SLC8A1: variants seen among roughly 807,000 people sequenced by gnomAD.
SLC8A1 encodes solute carrier family 8 member A1.
SLC8A1 carries 18 observed loss-of-function variants against 68.3 expected under a neutral mutation model. The ratio of observed to expected loss-of-function variants is 0.26; its 90% CI spans 0.18 to 0.39. The LOEUF (loss-of-function observed/expected upper bound fraction) is 0.39. SLC8A1 is among the 10% of genes least tolerant of loss of function. SLC8A1 has a pLI of 1.00. For synonymous variants in SLC8A1, 475 were observed against 415.5 expected (o/e 1.14, Z -1.74); for missense variants, 985 against 1,156.7 (o/e 0.85, Z 2.15).
intron 2 of SLC8A1, among the ~76,000 whole-genome samples, chr2:40,403,890 T>C (rs1689509432): frequency 6.6e-6 from 1 of 152,218 alleles, no homozygotes; most frequent in African/African-American, 2.4e-5. Context: ...ATATGTACCC[T>C]AAAGGAAATA....
intron 2 of SLC8A1, among the ~76,000 whole-genome samples, chr2:40,343,744 T>C (rs1410121892): frequency 6.6e-6 from 1 of 152,104 alleles, no homozygotes; most frequent in Non-Finnish European, 1.5e-5. Flanking sequence ...CTGAGAAAAA[T>C]ATGAATGGGA....
chr2:40,122,524 CT>C (rs1344196637), intron 7 of SLC8A1, among the ~76,000 whole-genome samples: 1 of 152,182 alleles, frequency 6.6e-6, no homozygotes, highest in African/African-American at 2.4e-5. Context: ...GCACCTGCTT[CT>C]AGTCACTTTT....
exon 3 of SLC8A1, chr2:40,177,801 A>G: frequency 6.4e-7 from 1 of 1,551,332 alleles, no homozygotes; most frequent in Non-Finnish European, 8.7e-7. Context: ...CAAGGGAGAA[A>G]CTGCACTCTT....
At chr2:40,176,494 T>C (rs1211558144) in intron 3 of SLC8A1, among the ~76,000 whole-genome samples, 1 of 152,194 alleles carries the variant, frequency 6.6e-6, no homozygotes, top group Non-Finnish European at 1.5e-5. Context: ...TCTCTTTTTC[T>C]TCTGTCTACC....
chr2:40,419,514 C>T (rs1694868031), intron 2 of SLC8A1, among the ~76,000 whole-genome samples: 1 of 151,998 alleles, frequency 6.6e-6, no homozygotes, highest in African/African-American at 2.4e-5. Context: ...CTCCTTCTTA[C>T]TCACCCTGCC....
At chr2:40,373,276 T>C (rs1340662317) in intron 2 of SLC8A1, among the ~76,000 whole-genome samples, 1 of 152,100 alleles carries the variant, frequency 6.6e-6, no homozygotes, top group African/African-American at 2.4e-5. Context: ...TACAAAGCTG[T>C]CTTGAATGAT....
At chr2:40,124,618 C>T (rs560419468) in intron 7 of SLC8A1, among the ~76,000 whole-genome samples, 10 of 152,238 alleles carry the variant, frequency 6.6e-5, no homozygotes, top group Non-Finnish European at 1.5e-4. Flanking sequence ...CTATCAAAAG[C>T]CTGAAAAGTC....
intron 2 of SLC8A1, among the ~76,000 whole-genome samples, chr2:40,289,084 A>G (rs2068828426): frequency 1.3e-5 from 2 of 151,864 alleles, no homozygotes; most frequent in South Asian, 2.1e-4. Flanking sequence ...TAATGCTAAA[A>G]TACGATGACT....
chr2:40,386,406 C>A (rs1413088057), intron 2 of SLC8A1, among the ~76,000 whole-genome samples: 1 of 150,872 alleles, frequency 6.6e-6, no homozygotes, highest in East Asian at 1.9e-4. Flanking sequence ...CCTCTCAGAC[C>A]TTGGGACAAA....
chr2:40,276,373 T>C lies in SLC8A1; in HGVS notation c.1809-98518A>G, dbSNP rs888677216. 3.3e-5 allele frequency among the ~76,000 whole-genome samples: 5 copies of C among 152,190 alleles called. No homozygotes were observed. The East Asian group carries it at 7.7e-4, about 23-fold the overall frequency. ...CTGAGAAAACAAGCAGTGAGATTGT[T>C]AGCATTCATATCTCACAGGCTTAAT... On this transcript the variant is annotated intron_variant, in intron 2 of 7. Coordinates refer to ENST00000406785, the Ensembl canonical transcript of SLC8A1.
At chr2:40,449,896 T>TA (rs35947302) in intron 1 of SLC8A1, among the ~76,000 whole-genome samples, 52 of 152,240 alleles carry the variant, frequency 3.4e-4, no homozygotes, top group Non-Finnish European at 5.0e-4. Context: ...ATCATTTTTT[T>TA]AAAAAAAGAC....
chr2:40,166,061 G>A (rs887096882), intron 4 of SLC8A1, among the ~76,000 whole-genome samples: 11 of 152,150 alleles, frequency 7.2e-5, no homozygotes, highest in African/African-American at 2.7e-4. Flanking sequence ...CTCCAACAGG[G>A]GGCTGTTGAC....
upstream of SLC8A1, among the ~76,000 whole-genome samples, chr2:40,453,734 T>C (rs938494357): frequency 1.3e-5 from 2 of 152,180 alleles, no homozygotes; most frequent in African/African-American, 4.8e-5. Flanking sequence ...AACATGAATG[T>C]GAGTATGAAT....
rs545426253 is a variant in SLC8A1, at chr2:40,387,824, C to T, written c.1808+40649G>A. ...TGGTGGCATGTGCCTGTAATCCCAG[C>T]TACTTTGGAGCCTGAGACATGAGAA... is the stretch of plus-strand genomic sequence containing the variant. On this transcript the variant is annotated intron_variant, in intron 2 of 7. Transcript: ENST00000406785. Among the ~76,000 whole-genome samples the T allele has an allele frequency of 4.8e-4, 73 of 151,014 alleles. No homozygotes were observed. In the Middle Eastern group the frequency reaches 0.021, roughly 43 times the overall value.
At chr2:40,457,259 A>C (rs923285074) in intron 1 of SLC8A1, among the ~76,000 whole-genome samples, 1 of 152,232 alleles carries the variant, frequency 6.6e-6, no homozygotes, top group Non-Finnish European at 1.5e-5. Context: ...ATAGGGGCTC[A>C]AGATAAGCTC....
At chr2:40,417,870 TACAC>T (rs70957174) in intron 2 of SLC8A1, among the ~76,000 whole-genome samples, 4 of 147,154 alleles carry the variant, frequency 2.7e-5, no homozygotes, top group East Asian at 2.0e-4. Context: ...CTTGGATGGA[TACAC>T]ACACACACAC....
chr2:40,333,429 C>A (rs6725386), intron 2 of SLC8A1, among the ~76,000 whole-genome samples: 7,081 of 126,326 alleles, frequency 0.056, 221 homozygotes, highest in African/African-American at 0.099. Flanking sequence ...GAGAGCGAGA[C>A]TCCGTCTCAA....
intron 2 of SLC8A1, among the ~76,000 whole-genome samples, chr2:40,422,047 T>G (rs1695655963): frequency 1.3e-5 from 2 of 151,974 alleles, no homozygotes; most frequent in African/African-American, 4.8e-5. Flanking sequence ...GCTTGAGTCC[T>G]GCCTGCCCAC....
At chr2:40,490,344 A>G (rs781319674) in intron 1 of SLC8A1, among the ~76,000 whole-genome samples, 16 of 152,158 alleles carry the variant, frequency 1.1e-4, no homozygotes, top group Non-Finnish European at 2.2e-4. Context: ...GGAAATAAGC[A>G]CAGAATAATT....
Sources: gnomAD v4.1 joint callset for allele counts (sites outside exome capture counted in the v4.1 genomes callset) on GRCh38, gnomAD v4.1.1 for gene constraint, MANE v1.5 for transcripts, NCBI Gene and HGNC (gene_info 2026-07-23, HGNC 2026-07-21) for gene names.